Variants in ADK observed in about 807,000 individuals in gnomAD.
ADK encodes the protein N6,N6-dimethyladenosine kinase.
In ADK, 24 loss-of-function variants were observed where a neutral mutation model predicts 44.7. The observed-to-expected ratio is 0.54, with a 90% CI of 0.39 to 0.76. ADK has a LOEUF of 0.76. Ranked by LOEUF, ADK falls within the 30% of genes least tolerant of loss-of-function variation. The pLI is 0.00. For synonymous variants in ADK, 128 were observed against 142.6 expected (o/e 0.90, Z 0.73); for missense variants, 321 against 425.1 (o/e 0.76, Z 2.15).
At chr10:74,643,693 A>G (rs1053565152) in intron 9 of ADK, among the ~76,000 whole-genome samples, 1 of 152,090 alleles carries the variant, frequency 6.6e-6, no homozygotes, top group African/African-American at 2.4e-5. Flanking sequence ...GATATGTTGT[A>G]TTTGCAAAAT....
intron 6 of ADK, among the ~76,000 whole-genome samples, chr10:74,492,668 T>C (rs1847530393): frequency 6.6e-6 from 1 of 152,210 alleles, no homozygotes; most frequent in Non-Finnish European, 1.5e-5. Flanking sequence ...TTTGATATTT[T>C]TGAAAAGTAT....
chr10:74,607,512 A>G (rs140017531), intron 9 of ADK, among the ~76,000 whole-genome samples: 3,256 of 152,216 alleles, frequency 0.021, 51 homozygotes, highest in South Asian at 0.072. Flanking sequence ...CTGGATATGA[A>G]ATTCTGGGTT....
chr10:74,388,510 G>A (rs1381033740), intron 4 of ADK, among the ~76,000 whole-genome samples: 2 of 151,756 alleles, frequency 1.3e-5, no homozygotes, highest in Non-Finnish European at 2.9e-5. Context: ...ATAGCTCTTC[G>A]TTTATATAAG....
intron 4 of ADK, among the ~76,000 whole-genome samples, chr10:74,342,729 C>T (rs1841620987): frequency 6.6e-6 from 1 of 151,190 alleles, no homozygotes; most frequent in Non-Finnish European, 1.5e-5. Flanking sequence ...CTGGCCTTAG[C>T]CTCCCAAAGT....
chr10:74,266,451 G>A (rs1591956254), intron 3 of ADK, among the ~76,000 whole-genome samples: 1 of 152,264 alleles, frequency 6.6e-6, no homozygotes, highest in African/African-American at 2.4e-5. Flanking sequence ...CAGCTACTCA[G>A]GAGGCTGAGG....
intron 3 of ADK, among the ~76,000 whole-genome samples, chr10:74,225,084 AT>A (rs913330070): frequency 6.6e-6 from 1 of 152,050 alleles, no homozygotes; most frequent in African/African-American, 2.4e-5. Context: ...AAAACACTTT[AT>A]TTTATTTTTA....
At chr10:74,446,704 C>G (rs1487892901) in intron 6 of ADK, among the ~76,000 whole-genome samples, 1 of 152,078 alleles carries the variant, frequency 6.6e-6, no homozygotes, top group African/African-American at 2.4e-5. Flanking sequence ...TTCAACTATT[C>G]TCATTTCTTA....
chr10:74,270,088 T>G (rs1206967690), intron 3 of ADK, among the ~76,000 whole-genome samples: 1 of 152,176 alleles, frequency 6.6e-6, no homozygotes, highest in African/African-American at 2.4e-5. Context: ...GCAGAGAAAG[T>G]TTTAAATAAA....
chr10:74,677,391 ACT>A lies in ADK; in HGVS notation c.964+7127_964+7128del, dbSNP rs1469063439. On this transcript the variant is annotated intron_variant, in intron 10 of 10. Coordinates refer to ENST00000539909, the MANE Select transcript of ADK (RefSeq NM_006721.4). ...ATCTATACTTCTGAGAACCATGAAG[ACT>A]CTCTAATTATCTTCATATTTTCTAT... 8.5e-5 allele frequency among the ~76,000 whole-genome samples: 13 copies of A among 152,060 alleles called. No homozygotes were observed. In the East Asian group the frequency reaches 9.7e-4, roughly 11 times the overall value.
Position 74,200,763 on chromosome 10 carries a change from G to C in ADK, c.66-1G>C, listed in dbSNP as rs1400146490. On this transcript the variant is annotated splice_acceptor_variant, in intron 1 of 10. Transcript: ENST00000539909. LOFTEE classifies it high-confidence loss of function. The stretch of plus-strand genomic sequence containing the variant: ...CTAACTTGTGTTTTGTGTTTTTTTA[G>C]AGAAAATATTCTCTTTGGAATGGGA... 1 of 1,605,818 alleles carries C rather than the reference G, an allele frequency of 6.2e-7. No homozygotes were observed. Among genetic ancestry groups the C allele is most frequent in the Non-Finnish European group, 8.5e-7 (1 of 1,173,404 alleles).
In ADK at chr10:74,375,870, T is replaced by C. The variant is rs188370863; in HGVS notation, c.274-18271T>C. Among the ~76,000 whole-genome samples, 528 of 152,260 alleles carry C rather than the reference T, an allele frequency of 3.5e-3. 3 individuals carry two copies. Among genetic ancestry groups the C allele is most frequent in the African/African-American group, 0.011 (472 of 41,538 alleles). ...TTCTAATACCTTTATGGGTTCTGTTTTGTTTTGGTTTGTTTTTTCATTTGT... is the reference window on the plus strand; with the variant it reads ...TTCTAATACCTTTATGGGTTCTGTTCTGTTTTGGTTTGTTTTTTCATTTGT... On this transcript the variant is annotated intron_variant, in intron 4 of 10. Coordinates refer to ENST00000539909, the MANE Select transcript of ADK (RefSeq NM_006721.4).
intron 7 of ADK, among the ~76,000 whole-genome samples, chr10:74,573,293 C>T (rs1851040977): frequency 6.6e-6 from 1 of 152,222 alleles, no homozygotes; most frequent in African/African-American, 2.4e-5. Context: ...GCCTGGGTAT[C>T]AGCAGCGGTG....
At chr10:74,611,956 G>T (rs1244184773) in intron 9 of ADK, among the ~76,000 whole-genome samples, 1 of 152,098 alleles carries the variant, frequency 6.6e-6, no homozygotes, top group Non-Finnish European at 1.5e-5. Flanking sequence ...GTATCTTTTT[G>T]ATAGAACAAT....
At chr10:74,154,054 C>T (rs1412363163) in intron 1 of ADK, among the ~76,000 whole-genome samples, 1 of 152,058 alleles carries the variant, frequency 6.6e-6, no homozygotes, top group Non-Finnish European at 1.5e-5. Flanking sequence ...TAGGAGTTAA[C>T]CAGTCATCTG....
chr10:74,681,330 C>CA (rs1402362331), intron 10 of ADK, among the ~76,000 whole-genome samples: 1 of 152,076 alleles, frequency 6.6e-6, no homozygotes, highest in Admixed American at 6.6e-5. Flanking sequence ...TGAGATTAAA[C>CA]AAACTCCCAT....
At chr10:74,166,187 G>T (rs573742953) in intron 1 of ADK, among the ~76,000 whole-genome samples, 1 of 152,172 alleles carries the variant, frequency 6.6e-6, no homozygotes, top group Non-Finnish European at 1.5e-5. Flanking sequence ...TGATCTGCCC[G>T]CCTCGGCCTC....
intron 7 of ADK, among the ~76,000 whole-genome samples, chr10:74,566,713 C>T (rs868230113): frequency 6.6e-6 from 1 of 152,134 alleles, no homozygotes; most frequent in South Asian, 2.1e-4. Flanking sequence ...AACTTTTATA[C>T]TTTACAATTT....
At chr10:74,366,706 G>T (rs981918170) in intron 4 of ADK, among the ~76,000 whole-genome samples, 2 of 152,142 alleles carry the variant, frequency 1.3e-5, no homozygotes, top group Non-Finnish European at 2.9e-5. Context: ...GAGGCAGGTG[G>T]ATCACTTGAG....
intron 4 of ADK, among the ~76,000 whole-genome samples, chr10:74,347,150 G>A (rs1479826829): frequency 6.1e-5 from 8 of 130,982 alleles, no homozygotes; most frequent in Non-Finnish European, 6.2e-5. Flanking sequence ...AAAGATGGCC[G>A]AATAGGAAGA....
Sources: gnomAD v4.1 joint callset for allele counts (sites outside exome capture counted in the v4.1 genomes callset) on GRCh38, gnomAD v4.1.1 for gene constraint, MANE v1.5 for transcripts, NCBI Gene and HGNC (gene_info 2026-07-23, HGNC 2026-07-21) for gene names.